Variants in MYOM2 observed in about 807,000 individuals in gnomAD.
MYOM2 encodes myomesin-2.
A neutral mutation model predicts 187.6 loss-of-function variants in MYOM2; 254 were observed. That is an observed-to-expected ratio of 1.35 (90% CI 1.22 to 1.50). MYOM2 has a LOEUF of 1.50. MYOM2 is among the 40% of genes most tolerant of loss of function. The probability of loss-of-function intolerance (pLI) is 0.00; values close to 1 mark genes in which losing one functional copy is unlikely to be tolerated. For missense variants in MYOM2, 2,796 were observed against 1,924.0 expected, an observed-to-expected ratio of 1.45 and a Z score of -8.48; for synonymous variants, 981 against 753.8, an observed-to-expected ratio of 1.30 and a Z score of -4.94.
At chr8:2,052,375 T>A in intron 3 of MYOM2, 62 bp downstream of exon 3, 1 of 1,507,952 alleles carries the variant, frequency 6.6e-7, no homozygotes, top group Non-Finnish European at 8.9e-7. Context: ...GGAGGGACAG[T>A]GGGGTGAGGA....
At chr8:2,135,216 A>G (rs1258286015) in intron 32 of MYOM2, among the ~76,000 whole-genome samples, 1 of 152,204 alleles carries the variant, frequency 6.6e-6, no homozygotes, top group African/African-American at 2.4e-5. Context: ...TGTGAGAAAC[A>G]AATGTGCATA....
intron 32 of MYOM2, among the ~76,000 whole-genome samples, chr8:2,131,182 T>C (rs1797853451): frequency 6.6e-6 from 1 of 152,168 alleles, no homozygotes; most frequent in African/African-American, 2.4e-5. Context: ...TGTGTGTAGA[T>C]GTAGGTCATG....
chr8:2,133,475 G>A (rs1329691512), intron 32 of MYOM2, among the ~76,000 whole-genome samples: 3 of 152,106 alleles, frequency 2.0e-5, no homozygotes, highest in African/African-American at 7.2e-5. Flanking sequence ...ACCTGCCTCC[G>A]ACAGAGTCGG....
chr8:2,097,549 C>T (rs1382559258), intron 18 of MYOM2, among the ~76,000 whole-genome samples: 1 of 152,194 alleles, frequency 6.6e-6, no homozygotes, highest in Non-Finnish European at 1.5e-5. Flanking sequence ...GAGTCTCACT[C>T]TGTGACCCAG....
chr8:2,085,516 C>CACCCCACTGTCGTGAT, intron 14 of MYOM2, 126 bp downstream of exon 14: 2 of 649,118 alleles, frequency 3.1e-6, no homozygotes. Context: ...CTCCGCGTGG[C>CACCCCACTGTCGTGAT]CCCCCACTGT....
intron 13 of MYOM2, among the ~76,000 whole-genome samples, chr8:2,083,758 G>C (rs2116693356): frequency 6.6e-6 from 1 of 152,308 alleles, no homozygotes; most frequent in African/African-American, 2.4e-5. Flanking sequence ...AATCCGCAAG[G>C]CTTGTGTGAT....
At chr8:2,057,252 C>T (rs536184553) in intron 3 of MYOM2, 96 bp from the exon 4 acceptor site, 225 of 1,427,190 alleles carry the variant, frequency 1.6e-4, no homozygotes, top group Non-Finnish European at 2.0e-4. Context: ...TTAAGGAAAC[C>T]CTAGGGAGAG....
chr8:2,057,822 C>T (rs371229722), intron 5 of MYOM2, 42 bp downstream of exon 5: 38 of 1,591,500 alleles, frequency 2.4e-5, no homozygotes, highest in African/African-American at 6.7e-5. Flanking sequence ...GTCCATTCTG[C>T]GTTTTCTTTC....
intron 28 of MYOM2, among the ~76,000 whole-genome samples, chr8:2,120,766 C>T (rs1354352978): frequency 8.1e-6 from 1 of 124,130 alleles, no homozygotes; most frequent in African/African-American, 2.9e-5. Context: ...CCCTTCCTCT[C>T]TTCTTGAAAG....
chr8:2,086,377 CTGCG>C lies in MYOM2; in HGVS notation c.1644+990_1644+993del, dbSNP rs1396732836. ...GCGTGGCCTCCCACTGTTGTGATCT[CTGCG>C]TGGCCTCCCACTGTTGTGATCTCTG... On this transcript the variant is annotated intron_variant, in intron 14 of 36. Coordinates refer to ENST00000262113, the MANE Select transcript of MYOM2 (RefSeq NM_003970.4). 1.7e-4 allele frequency among the ~76,000 whole-genome samples: 19 copies of C among 111,184 alleles called. 5 individuals carry two copies. The highest frequency in any genetic ancestry group is 5.1e-4 in the East Asian group (2 of 3,900). 72.9% of individuals were successfully genotyped at this position (111,184 alleles called of 152,430 possible).
intron 24 of MYOM2, 147 bp from the exon 25 acceptor site, chr8:2,109,248 T>C (rs1306922016): frequency 3.1e-6 from 3 of 965,044 alleles, no homozygotes; most frequent in South Asian, 3.9e-5. Flanking sequence ...TTTTATTTTA[T>C]ATTTTTAGCT....
At chr8:2,082,895 G>A (rs1819677198) in intron 13 of MYOM2, among the ~76,000 whole-genome samples, 1 of 152,154 alleles carries the variant, frequency 6.6e-6, no homozygotes, top group Non-Finnish European at 1.5e-5. Context: ...CTCCTGGGGA[G>A]GTTGTAGTTT....
chr8:2,124,298 A>C, intron 31 of MYOM2, 81 bp downstream of exon 31: 1 of 1,391,100 alleles, frequency 7.2e-7, no homozygotes, highest in Non-Finnish European at 1.0e-6. Flanking sequence ...ACTGCTGCAA[A>C]AGAGGGCACC....
chr8:2,059,201 C>G lies in MYOM2; in HGVS notation c.609C>G (p.Tyr203Ter), dbSNP rs1038595179. Reference sequence around the variant, plus strand: ...GCCAGGCGGCTGAACCGGGAAAGTACAGGATTGAGAGCAACTATGGCGTAC... The same window carrying G: ...GCCAGGCGGCTGAACCGGGAAAGTAGAGGATTGAGAGCAACTATGGCGTAC... ...LICQAAEPGKYRIESNYGVHT... is the reference protein window; with the variant it reads ...LICQAAEPGK Residue 203 changes from tyrosine to a stop codon, truncating the protein, a stop_gained, in exon 6 of 37, where the codon TAC (tyrosine) becomes TAG (stop). Coordinates refer to ENST00000262113, the MANE Select transcript of MYOM2 (RefSeq NM_003970.4). LOFTEE classifies it high-confidence loss of function. 2.5e-5 allele frequency: 41 copies of G among 1,614,074 alleles called. No homozygotes were observed. The highest frequency in any genetic ancestry group is 1.5e-4 in the Admixed American group (9 of 60,008).
intron 12 of MYOM2, 46 bp downstream of exon 12, chr8:2,078,979 G>C: frequency 6.3e-7 from 1 of 1,583,724 alleles, no homozygotes; most frequent in Middle Eastern, 2.1e-4. Flanking sequence ...GGAAGCTTTG[G>C]CTGTTTTGTG....
chr8:2,085,250 A>T lies in MYOM2; in HGVS notation c.1517-13A>T. ...GGGTCCTTCAGCACTCACCGAATTT[A>T]TTATTCCTCCAGGTGACGCCCAGGT... On this transcript the variant is annotated splice_polypyrimidine_tract_variant and intron_variant, in intron 13 of 36. Transcript: ENST00000262113. The T allele has an allele frequency of 6.2e-7, 1 of 1,613,416 alleles. No individual in the cohort carries two copies. Among genetic ancestry groups the T allele is most frequent in the Middle Eastern group, 1.7e-4 (1 of 6,058 alleles).
At position 2,109,219 on chromosome 8, in the gene MYOM2, A is replaced by G. The variant is rs985063929; in HGVS notation, c.3044-176A>G. On this transcript the variant is annotated intron_variant, in intron 24 of 36. Transcript: ENST00000262113. The stretch of plus-strand genomic sequence containing the variant: ...TCATGTGGCATGAGGCTTTAGAGGC[A>G]ACAACAGGCCAGCTCAAGTTTTATT... 4.0e-5 allele frequency: 30 copies of G among 741,596 alleles called. No individual in the cohort carries two copies. The African/African-American group carries it at 4.7e-4, about 12-fold the overall frequency. 45.9% of individuals were successfully genotyped at this position (741,596 alleles called of 1,614,324 possible).
Position 2,115,993 on chromosome 8 carries a change from A to G in MYOM2, c.3214A>G (p.Ile1072Val), listed in dbSNP as rs1797229150. ...HRIKCDKATG[I>V]IEMVMDRFSI... ...AATTAAATGTGACAAAGCTACTGGC[A>G]TTATTGAGATGGTGATGGATCGATT... The change falls in exon 26 of 37, where the codon ATT becomes GTT. Residue 1072 changes from isoleucine to valine, a missense_variant. Ile to Val is a conservative substitution (Grantham distance 29, BLOSUM62 3). Coordinates refer to ENST00000262113, the MANE Select transcript of MYOM2 (RefSeq NM_003970.4). 6.2e-7 allele frequency: 1 copy of G among 1,614,088 alleles called. No homozygotes were observed. Among genetic ancestry groups the G allele is most frequent in the Non-Finnish European group, 8.5e-7 (1 of 1,180,016 alleles).
chr8:2,109,939 G>A (rs1489252214), intron 25 of MYOM2, among the ~76,000 whole-genome samples: 2 of 152,218 alleles, frequency 1.3e-5, no homozygotes, highest in Admixed American at 1.3e-4. Flanking sequence ...CCCATGGAAG[G>A]CATCCGTGGG....
Sources: allele counts gnomAD v4.1 joint callset (sites outside exome capture counted in the v4.1 genomes callset), GRCh38; gene constraint gnomAD v4.1.1; transcripts MANE v1.5; gene names NCBI Gene and HGNC (gene_info 2026-07-23, HGNC 2026-07-21).